Variants in DNAH5 observed in about 807,000 individuals in gnomAD.
DNAH5 encodes axonemal beta dynein heavy chain 5.
In DNAH5, 372 loss-of-function variants were observed where a neutral mutation model predicts 518.2. That is an observed-to-expected ratio of 0.72 (90% CI 0.66 to 0.78). The LOEUF (loss-of-function observed/expected upper bound fraction) is 0.78. Ranked by LOEUF, DNAH5 falls within the 30% of genes least tolerant of loss-of-function variation. The pLI, the probability that DNAH5 is intolerant of heterozygous loss-of-function variation, is 0.00. For synonymous variants in DNAH5, 2,039 were observed against 2,025.9 expected (o/e 1.01, Z -0.17); for missense variants, 5,523 against 5,687.0 (o/e 0.97, Z 0.93).
chr5:13,730,920 G>A (rs1032376070), intron 68 of DNAH5, among the ~76,000 whole-genome samples: 1 of 151,760 alleles, frequency 6.6e-6, no homozygotes, highest in African/African-American at 2.4e-5. Flanking sequence ...GGCTGGTCTC[G>A]AACTCCCGAC....
rs139235944 is a variant in DNAH5, at chr5:13,885,985, T to G, written c.2722A>C (p.Asn908His). 10 of 1,613,010 alleles carry G rather than the reference T, an allele frequency of 6.2e-6. No individual in the cohort carries two copies. In the African/African-American group the frequency reaches 1.2e-4, roughly 19 times the overall value. ...SEKISNENSV[N>H]YKNESSAKRE... The stretch of plus-strand genomic sequence containing the variant: ...TTACCTGAACTTTCATTTTTGTAAT[T>G]AACACTATTCTCATTGGATATTTTT... The change falls in exon 18 of 79, where the codon AAT becomes CAT. Residue 908 changes from asparagine to histidine, a missense_variant. By Grantham distance (68) the Asn-to-His change is moderately conservative. Transcript: ENST00000265104.
Position 13,719,006 on chromosome 5 carries a change from C to T in DNAH5, c.12375G>A (p.Ala4125=), listed in dbSNP as rs140284455. 5.3e-5 allele frequency: 85 copies of T among 1,613,756 alleles called. No individual in the cohort carries two copies. The highest frequency in any genetic ancestry group is 4.9e-4 in the African/African-American group (37 of 74,828). Residue 4125 remains alanine, a synonymous_variant, in exon 72 of 79, where the codon GCG becomes GCA. Transcript: ENST00000265104. ...IIIETELVHD[A]FRLWMTTEAH... is the part of the protein sequence containing the mutation. ...CCTCGGTGGTCATCCAGAGGCGGAACGCATCATGTACAAGCTCAGTTTCTA... is the reference window on the plus strand; with the variant it reads ...CCTCGGTGGTCATCCAGAGGCGGAATGCATCATGTACAAGCTCAGTTTCTA...
chr5:13,731,945 C>A (rs2126588848), intron 68 of DNAH5, among the ~76,000 whole-genome samples: 1 of 152,124 alleles, frequency 6.6e-6, no homozygotes, highest in African/African-American at 2.4e-5. Flanking sequence ...CCAGCTGGGG[C>A]AACATAATGA....
intron 19 of DNAH5, 78 bp downstream of exon 19, chr5:13,884,911 C>A: frequency 6.4e-7 from 1 of 1,557,838 alleles, no homozygotes. Context: ...CACGTGCACA[C>A]GTGCACACAC....
At chr5:13,784,230 T>C (rs372384802) in intron 52 of DNAH5, among the ~76,000 whole-genome samples, 16 of 152,382 alleles carry the variant, frequency 1.0e-4, no homozygotes, top group South Asian at 2.1e-4. Flanking sequence ...TGAAATTGCC[T>C]TTGGTAATAC....
intron 55 of DNAH5, among the ~76,000 whole-genome samples, chr5:13,773,272 T>G (rs1316520181): frequency 1.3e-5 from 2 of 152,192 alleles, no homozygotes; most frequent in East Asian, 3.8e-4. Context: ...ATAAGTGTTA[T>G]AGATATAGGA....
chr5:13,980,714 A>C (rs539778425), intron 1 of DNAH5, among the ~76,000 whole-genome samples: 2 of 152,142 alleles, frequency 1.3e-5, no homozygotes, highest in African/African-American at 2.4e-5. Context: ...TTTCCCACAC[A>C]GAGACCAGAA....
chr5:13,914,563 T>C lies in DNAH5; in HGVS notation c.1277A>G (p.Asp426Gly). ...AGATAGTATTTTTTCTTCAACAACATCCTGTGGCTGGTTCCAGATGGAAGC... is the reference window on the plus strand; with the variant it reads ...AGATAGTATTTTTTCTTCAACAACACCCTGTGGCTGGTTCCAGATGGAAGC... ...GTASIWNQPQ[D>G]VVEEKILSAI... Residue 426 changes from aspartate to glycine, a missense_variant, in exon 10 of 79, where the codon GAT becomes GGT. Asp to Gly is a moderately conservative substitution (Grantham distance 94, BLOSUM62 -1). Coordinates refer to ENST00000265104, the MANE Select transcript of DNAH5 (RefSeq NM_001369.3). 1 of 1,613,466 alleles carries C rather than the reference T, an allele frequency of 6.2e-7. No individual in the cohort carries two copies. Among genetic ancestry groups the C allele is most frequent in the South Asian group, 1.1e-5 (1 of 91,064 alleles).
intron 36 of DNAH5, 102 bp downstream of exon 36, chr5:13,830,495 T>TGAAAATGTTTGTAAATGTTTACAAAGTA: frequency 7.0e-7 from 1 of 1,426,364 alleles, no homozygotes; most frequent in Admixed American, 1.7e-5. Flanking sequence ...TTTACAAAGT[T>TGAAAATGTTTGTAAATGTTTACAAAGTA]GAAAATGATT....
At position 13,900,358 on chromosome 5, in the gene DNAH5, T is replaced by C. The variant is rs1369943586; in HGVS notation, c.2107A>G (p.Thr703Ala). ...TCAAAGTTTACAAACAATTCCCCTG[T>C]GCCTGGAGCCTTCACCAATAATGAA... ...EASLLVKAPG[T>A]GELFVNFDPQ... The change falls in exon 15 of 79, where the codon ACA becomes GCA. Residue 703 changes from threonine (T) to alanine (A), a missense_variant. Around this residue, in one of 3 missense-constraint regions of DNAH5, gnomAD observed 5,121 missense variants for 5,223.3 expected, o/e 0.98. Transcript: ENST00000265104. 6.2e-7 allele frequency: 1 copy of C among 1,614,088 alleles called. No homozygotes were observed. The highest frequency in any genetic ancestry group is 8.5e-7 in the Non-Finnish European group (1 of 1,180,034).
At chr5:13,943,192 C>T (rs1368056754) in intron 1 of DNAH5, among the ~76,000 whole-genome samples, 1 of 152,154 alleles carries the variant, frequency 6.6e-6, no homozygotes, top group Non-Finnish European at 1.5e-5. Flanking sequence ...AATGTTCAGA[C>T]ATGTGAAATG....
intron 54 of DNAH5, among the ~76,000 whole-genome samples, chr5:13,776,917 A>C (rs555448948): frequency 6.6e-6 from 1 of 152,332 alleles, no homozygotes; most frequent in South Asian, 2.1e-4. Flanking sequence ...GAAAGGAGTA[A>C]ATGGACATGC....
chr5:13,802,421 A>G (rs901595230), intron 47 of DNAH5, among the ~76,000 whole-genome samples: 1 of 152,216 alleles, frequency 6.6e-6, no homozygotes, highest in African/African-American at 2.4e-5. Context: ...AGCTTTTATA[A>G]TTCCTAGAAA....
chr5:13,925,658 C>T (rs1580921514), intron 3 of DNAH5, among the ~76,000 whole-genome samples: 1 of 152,124 alleles, frequency 6.6e-6, no homozygotes, highest in Non-Finnish European at 1.5e-5. Flanking sequence ...TTCACTATCA[C>T]CAGAACAGCA....
intron 35 of DNAH5, among the ~76,000 whole-genome samples, chr5:13,837,293 T>C (rs941488528): frequency 5.9e-5 from 9 of 152,106 alleles, no homozygotes; most frequent in African/African-American, 2.2e-4. Context: ...AAACTGTGCT[T>C]TTGAGGGGTT....
intron 71 of DNAH5, among the ~76,000 whole-genome samples, chr5:13,720,538 A>G (rs1426606219): frequency 2.0e-5 from 3 of 152,016 alleles, no homozygotes; most frequent in Non-Finnish European, 4.4e-5. Flanking sequence ...ACAGGCCACC[A>G]CGTCCAGTTA....
rs1465499923 is a variant in DNAH5 at position 13,810,164 on chromosome 5, GCCGT to G, written c.7500_7503del (p.Arg2501AlafsTer69). 4.5e-6 allele frequency: 7 copies of G among 1,548,276 alleles called. No individual in the cohort carries two copies. Among genetic ancestry groups the G allele is most frequent in the Non-Finnish European group, 6.1e-6 (7 of 1,145,628 alleles). The stretch of plus-strand genomic sequence containing the variant: ...GAGCGCAGCCAGAGCTCCAGGCGGC[GCCGT>G]CCGTCCAGCTCCAGCGCCGCCCCCG... On this transcript the variant is annotated frameshift_variant, in exon 45 of 79. Coordinates refer to ENST00000265104, the MANE Select transcript of DNAH5 (RefSeq NM_001369.3). LOFTEE classifies it high-confidence loss of function.
intron 71 of DNAH5, 48 bp downstream of exon 71, chr5:13,720,952 A>G: frequency 6.2e-7 from 1 of 1,613,098 alleles, no homozygotes; most frequent in Non-Finnish European, 8.5e-7. Context: ...CTATTCTATA[A>G]CCTGTAATAT....
intron 1 of DNAH5, among the ~76,000 whole-genome samples, chr5:13,989,867 ACTTGT>A (rs1783391492): frequency 6.6e-6 from 1 of 151,908 alleles, no homozygotes; most frequent in African/African-American, 2.4e-5. Flanking sequence ...TCCTTGGTTT[ACTTGT>A]CTTATTTTCA....
Sources: allele counts gnomAD v4.1 joint callset (sites outside exome capture counted in the v4.1 genomes callset), GRCh38; gene constraint gnomAD v4.1.1; regional missense constraint gnomAD v4.1.1; transcripts MANE v1.5; gene names NCBI Gene and HGNC (gene_info 2026-07-23, HGNC 2026-07-21).